Variants in SULF2 observed in about 807,000 individuals in gnomAD.
The protein encoded by SULF2 is extracellular sulfatase Sulf-2.
SULF2 carries 52 observed loss-of-function variants against 107.7 expected under a neutral mutation model. The ratio of observed to expected loss-of-function variants is 0.48; its 90% CI spans 0.39 to 0.61. The LOEUF (loss-of-function observed/expected upper bound fraction) is 0.61, where lower values mean the gene tolerates loss of function less well. Among genes scored for constraint, SULF2 ranks in the 20% least tolerant of loss-of-function variants. The pLI is 0.00. For synonymous variants in SULF2, 460 were observed against 464.3 expected (o/e 0.99, Z 0.12); for missense variants, 993 against 1,177.3 (o/e 0.84, Z 2.29).
In SULF2 at chr20:47,736,818, G is replaced by A. The variant is rs749018060; in HGVS notation, c.300C>T (p.Tyr100=). ...PSRSSILTGK[Y]VHNHNTYTNN... is the part of the protein sequence containing the mutation. ...TGGTGTAGGTGTTGTGGTTGTGGAC[G>A]TACTTGCCAGTGAGGATGGAGGAGC... is the stretch of plus-strand genomic sequence containing the variant. The change falls in exon 3 of 21, where the codon TAC becomes TAT. Residue 100 remains tyrosine, a synonymous_variant. Transcript: ENST00000688720. The A allele has an allele frequency of 2.2e-5, 36 of 1,614,176 alleles. No homozygotes were observed. Among genetic ancestry groups the A allele is most frequent in the Middle Eastern group, 1.6e-4 (1 of 6,062 alleles).
chr20:47,712,858 G>A (rs1227549170), intron 3 of SULF2, among the ~76,000 whole-genome samples: 1 of 152,056 alleles, frequency 6.6e-6, no homozygotes, highest in African/African-American at 2.4e-5. Flanking sequence ...ACACGGAGAA[G>A]CCCTGTCTCT....
At position 47,677,150 on chromosome 20, in the gene SULF2, G is replaced by C; in HGVS notation, c.1194-16C>G. On this transcript the variant is annotated splice_polypyrimidine_tract_variant and intron_variant, in intron 8 of 20. Transcript: ENST00000688720. ...CAAGTGAAACCTGGAAAAAAGCACG[G>C]CTCCTGCTTCTCAGCAACATGAGGG... 1 of 1,613,410 alleles carries C rather than the reference G, an allele frequency of 6.2e-7. No homozygotes were observed. Among genetic ancestry groups the C allele is most frequent in the South Asian group, 1.1e-5 (1 of 91,060 alleles).
intron 3 of SULF2, among the ~76,000 whole-genome samples, 173 bp from the exon 4 acceptor site, chr20:47,702,843 A>G (rs1042986776): frequency 1.3e-5 from 2 of 152,264 alleles, no homozygotes; most frequent in Non-Finnish European, 2.9e-5. Flanking sequence ...TACAAGATAT[A>G]GGATTACAGA....
intron 1 of SULF2, among the ~76,000 whole-genome samples, chr20:47,783,981 A>G (rs1002875790): frequency 6.6e-6 from 1 of 152,170 alleles, no homozygotes; most frequent in Admixed American, 6.5e-5. Context: ...ATTGGCTCTA[A>G]TTTAATTAGA....
intron 3 of SULF2, among the ~76,000 whole-genome samples, chr20:47,734,539 T>C (rs1341764498): frequency 6.6e-6 from 1 of 152,176 alleles, no homozygotes; most frequent in South Asian, 2.1e-4. Flanking sequence ...AACAACTCAA[T>C]ATAAAACTCA....
chr20:47,688,330 T>C lies in SULF2; in HGVS notation c.737+1796A>G, dbSNP rs138271251. ...CAGAGATGAGACAGCCTTCCAAACATGCCCCTAAGAAGGCAAAGGGGGCTT... is the reference window on the plus strand; with the variant it reads ...CAGAGATGAGACAGCCTTCCAAACACGCCCCTAAGAAGGCAAAGGGGGCTT... On this transcript the variant is annotated intron_variant, in intron 5 of 20. Transcript: ENST00000688720. Among the ~76,000 whole-genome samples, 119 of 152,316 alleles carry C rather than the reference T, an allele frequency of 7.8e-4. 2 individuals are homozygous for C. The East Asian group carries it at 0.015, about 19-fold the overall frequency.
chr20:47,705,432 T>C (rs2088700116), intron 3 of SULF2, among the ~76,000 whole-genome samples: 2 of 152,176 alleles, frequency 1.3e-5, no homozygotes, highest in Admixed American at 1.3e-4. Flanking sequence ...AAACAGCGAC[T>C]GGGCGTCCCT....
At chr20:47,717,813 A>ATT (rs11484145) in intron 3 of SULF2, among the ~76,000 whole-genome samples, 20,476 of 135,344 alleles carry the variant, frequency 0.15, 1,718 homozygotes, top group Non-Finnish European at 0.19. Flanking sequence ...TTCAGAGATA[A>ATT]TTTTTTTTTT....
intron 1 of SULF2, among the ~76,000 whole-genome samples, chr20:47,758,776 G>A (rs193287370): frequency 6.6e-6 from 1 of 151,634 alleles, no homozygotes; most frequent in East Asian, 1.9e-4. Context: ...GAGAGCATGA[G>A]CGAGAGAGCC....
intron 13 of SULF2, among the ~76,000 whole-genome samples, chr20:47,665,615 T>C (rs899317917): frequency 2.0e-5 from 3 of 152,204 alleles, no homozygotes; most frequent in African/African-American, 7.2e-5. Flanking sequence ...AGCGTAGACT[T>C]CTTGTAAGTC....
intron 2 of SULF2, among the ~76,000 whole-genome samples, chr20:47,745,437 A>G (rs2090009044): frequency 1.1e-4 from 1 of 8,756 alleles, no homozygotes. Context: ...ATATATATAT[A>G]TATATATATA....
chr20:47,775,558 C>T (rs555957767), intron 1 of SULF2, among the ~76,000 whole-genome samples: 3 of 152,340 alleles, frequency 2.0e-5, no homozygotes, highest in South Asian at 2.1e-4. Context: ...AGAGCCCATT[C>T]CCCCAACAGA....
At position 47,767,831 on chromosome 20, in the gene SULF2, G is replaced by A. The variant is rs780757821; in HGVS notation, c.-100-10368C>T. Among the ~76,000 whole-genome samples, 160 of 151,752 alleles carry A rather than the reference G, an allele frequency of 1.1e-3. 1 individual carries two copies. Among genetic ancestry groups the A allele is most frequent in the Non-Finnish European group, 7.4e-4 (50 of 67,888 alleles). On this transcript the variant is annotated intron_variant, in intron 1 of 20. Coordinates refer to ENST00000688720, the MANE Select transcript of SULF2 (RefSeq NM_001387048.1). ...CATGTGCCTGTAATCTCAGTTACTC[G>A]GGAGGCCAAGGCAGGAGAATTGAGC...
At chr20:47,682,416 C>T (rs571127766) in intron 7 of SULF2, among the ~76,000 whole-genome samples, 8 of 152,334 alleles carry the variant, frequency 5.3e-5, no homozygotes, top group Admixed American at 2.0e-4. Flanking sequence ...AAGCTGCTGC[C>T]GGGAACAGTG....
intron 1 of SULF2, among the ~76,000 whole-genome samples, chr20:47,774,137 T>C (rs2090682494): frequency 6.6e-6 from 1 of 152,218 alleles, no homozygotes; most frequent in South Asian, 2.1e-4. Context: ...CTGCTACATT[T>C]GGAGATGCGA....
intron 3 of SULF2, among the ~76,000 whole-genome samples, chr20:47,709,521 G>C (rs1048009967): frequency 6.6e-6 from 1 of 152,190 alleles, no homozygotes; most frequent in Non-Finnish European, 1.5e-5. Flanking sequence ...TTGACTCCAG[G>C]AATGTGTGCA....
In SULF2 at chr20:47,661,845, C is replaced by T. The variant is rs551763867; in HGVS notation, c.2422G>A (p.Val808Ile). ...CAGCTCCTCAGCTCCATGAGCTGTA[C>T]GTGTAGCTGGTTGAGGACATCCCTG... ...LDRDVLNQLHVQLMELRSCKG... is the reference protein window; with the variant it reads ...LDRDVLNQLHIQLMELRSCKG... Residue 808 changes from valine (V) to isoleucine (I), a missense_variant, in exon 18 of 21, where the codon GTA becomes ATA. Val to Ile is a conservative substitution (Grantham distance 29). This residue lies in a region of SULF2 where 497 missense variants were observed against 544.1 expected (regional missense o/e 0.91). Transcript: ENST00000688720. 25 of 1,595,042 alleles carry T rather than the reference C, an allele frequency of 1.6e-5. No individual in the cohort carries two copies. Among genetic ancestry groups the T allele is most frequent in the African/African-American group, 5.3e-5 (4 of 74,786 alleles).
upstream of SULF2, chr20:47,785,499 C>A: frequency 6.4e-6 from 1 of 155,126 alleles, no homozygotes; most frequent in Non-Finnish European, 1.4e-5. Flanking sequence ...CCGGCGAGCG[C>A]TGCTGCTCCT....
rs1438889231 is a variant in SULF2 at position 47,746,977 on chromosome 20, AT to A, written c.176-10036del. ...TGTGCACATGTACCCTAGAACTTAA[AT>A]AAATAAAAAAAAAAAAATATATATA... On this transcript the variant is annotated intron_variant, in intron 2 of 20. Coordinates refer to ENST00000688720, the MANE Select transcript of SULF2 (RefSeq NM_001387048.1). Among the ~76,000 whole-genome samples, 112 of 52,826 alleles carry A rather than the reference AT, an allele frequency of 2.1e-3. 1 individual carries two copies. The highest frequency in any genetic ancestry group is 8.0e-3 in the African/African-American group (100 of 12,486). 34.7% of individuals were successfully genotyped at this position (52,826 alleles called of 152,430 possible). A position where few individuals can be genotyped will look rare whatever the true frequency, so the allele number is the denominator to read the frequency against.
Sources: allele counts gnomAD v4.1 joint callset (sites outside exome capture counted in the v4.1 genomes callset), GRCh38; gene constraint gnomAD v4.1.1; regional missense constraint gnomAD v4.1.1; transcripts MANE v1.5; gene names NCBI Gene and HGNC (gene_info 2026-07-23, HGNC 2026-07-21).